LHPP: variants seen among roughly 807,000 people sequenced by gnomAD.
LHPP encodes the protein hLHPP.
LHPP carries 24 observed loss-of-function variants against 30.3 expected under a neutral mutation model. The ratio of observed to expected loss-of-function variants is 0.79; its 90% CI spans 0.57 to 1.11. The LOEUF is 1.11. LHPP is among the 50% of genes most tolerant of loss of function. The probability of loss-of-function intolerance (pLI) is 0.00; values close to 1 mark genes in which losing one functional copy is unlikely to be tolerated. For synonymous variants in LHPP, 150 were observed against 157.1 expected (o/e 0.95, Z 0.34); for missense variants, 356 against 367.2 (o/e 0.97, Z 0.25).
intron 6 of LHPP, among the ~76,000 whole-genome samples, chr10:124,558,882 G>A (rs1470886970): frequency 6.6e-6 from 1 of 152,214 alleles, no homozygotes; most frequent in East Asian, 1.9e-4. Context: ...GCACTCTTTG[G>A]GAGGATATTT....
At chr10:124,559,870 G>A (rs761392652) in intron 6 of LHPP, among the ~76,000 whole-genome samples, 5 of 152,252 alleles carry the variant, frequency 3.3e-5, no homozygotes, top group Non-Finnish European at 5.9e-5. Flanking sequence ...AGTAAGTTCC[G>A]TGGAATCAGG....
At position 124,539,766 on chromosome 10, in the gene LHPP, G is replaced by T. The variant is rs1955136585; in HGVS notation, c.716+22495G>T. On this transcript the variant is annotated intron_variant, in intron 6 of 6. Transcript: ENST00000368842. ...AAAAAAAAAAAATTAGTCAGGCATGGTGGCACACACCTGTAGTCCCAGCTA... is the reference window on the plus strand; with the variant it reads ...AAAAAAAAAAAATTAGTCAGGCATGTTGGCACACACCTGTAGTCCCAGCTA... Among the ~76,000 whole-genome samples the T allele has an allele frequency of 2.8e-5, 4 of 143,534 alleles. No homozygotes were observed. The South Asian group carries it at 8.8e-4, about 31-fold the overall frequency. 94.2% of individuals were successfully genotyped at this position (143,534 alleles called of 152,430 possible).
chr10:124,590,943 G>C lies in LHPP; in HGVS notation c.717-22321G>C, dbSNP rs781736488. On this transcript the variant is annotated intron_variant, in intron 6 of 6. Coordinates refer to ENST00000368842, the MANE Select transcript of LHPP (RefSeq NM_022126.4). This position sits in a 1 kb window ranked among gnomAD's most constrained non-coding sequence, Gnocchi z 4.3. Reference sequence around the variant, plus strand: ...TCCAGGAAACAGGATCCCTGTCTCAGACAGAAGCAGTCTCGCCCATCCTGG... The same window carrying C: ...TCCAGGAAACAGGATCCCTGTCTCACACAGAAGCAGTCTCGCCCATCCTGG... 2.0e-5 allele frequency among the ~76,000 whole-genome samples: 3 copies of C among 152,226 alleles called. No homozygotes were observed. The highest frequency in any genetic ancestry group is 4.4e-5 in the Non-Finnish European group (3 of 68,050).
intron 6 of LHPP, among the ~76,000 whole-genome samples, chr10:124,545,290 G>A (rs564195617): frequency 6.6e-5 from 10 of 152,172 alleles, no homozygotes; most frequent in African/African-American, 2.2e-4. Flanking sequence ...AGTATTGTGC[G>A]AACCTCCCAG....
intron 6 of LHPP, among the ~76,000 whole-genome samples, chr10:124,588,721 T>C (rs1948838212): frequency 6.6e-6 from 1 of 152,188 alleles, no homozygotes; most frequent in South Asian, 2.1e-4. Flanking sequence ...CTCCTCAGAA[T>C]CTGAGGTGAC....
intron 6 of LHPP, among the ~76,000 whole-genome samples, chr10:124,589,550 CG>C (rs1294351224): frequency 1.3e-5 from 2 of 152,156 alleles, no homozygotes; most frequent in African/African-American, 4.8e-5. Flanking sequence ...CAGAATGAGC[CG>C]GGAGGAGCAG....
At chr10:124,525,870 C>T (rs1440585807) in intron 6 of LHPP, among the ~76,000 whole-genome samples, 3 of 152,178 alleles carry the variant, frequency 2.0e-5, no homozygotes, top group Non-Finnish European at 2.9e-5. Context: ...AACCTGAACC[C>T]CCCTGCTGGG....
At chr10:124,481,716 C>T (rs987989416) in intron 1 of LHPP, among the ~76,000 whole-genome samples, 2 of 152,120 alleles carry the variant, frequency 1.3e-5, no homozygotes, top group African/African-American at 4.8e-5. Flanking sequence ...ACTCCAGCCT[C>T]ATTTCCTGGC....
At chr10:124,468,561 C>T (rs1223589546) in intron 1 of LHPP, among the ~76,000 whole-genome samples, 1 of 152,158 alleles carries the variant, frequency 6.6e-6, no homozygotes, top group Non-Finnish European at 1.5e-5. Context: ...CATGTCCTGC[C>T]TTGTCCACGA....
intron 6 of LHPP, among the ~76,000 whole-genome samples, chr10:124,539,283 G>C (rs1280231443): frequency 6.6e-6 from 1 of 152,168 alleles, no homozygotes; most frequent in East Asian, 1.9e-4. Flanking sequence ...AGCACCCAAG[G>C]CCACGTCCTG....
chr10:124,530,508 A>G (rs1005287583), intron 6 of LHPP, among the ~76,000 whole-genome samples: 2 of 149,974 alleles, frequency 1.3e-5, no homozygotes, highest in African/African-American at 2.5e-5. Context: ...GCCCACTCTC[A>G]TGCTGGCCTC....
Position 124,488,450 on chromosome 10 carries a change from C to A in LHPP, c.342C>A (p.Asp114Glu), listed in dbSNP as rs1953407829. 6.2e-7 allele frequency: 1 copy of A among 1,614,088 alleles called. No individual in the cohort carries two copies. The highest frequency in any genetic ancestry group is 2.2e-5 in the East Asian group (1 of 44,868). Residue 114 changes from aspartate (D) to glutamate (E), a missense_variant, in exon 3 of 7, where the codon GAC becomes GAA. Transcript: ENST00000368842. ...DGVRSEFDQI[D>E]TSNPNCVVIA... ...TCCGCTCAGAATTTGATCAGATCGA[C>A]ACATCCAACCCAAACTGTGTGGTAA...
In LHPP at chr10:124,498,019, CCTCT is replaced by C. The variant is rs752946588; in HGVS notation, c.532-12_532-9del. 5 of 1,601,898 alleles carry C rather than the reference CCTCT, an allele frequency of 3.1e-6. No homozygotes were observed. In the African/African-American group the frequency reaches 6.7e-5, roughly 21 times the overall value. ...CTTGATCCCAAACTTATGCCATGTC[CCTCT>C]CTCTTTTCCCAGTATGCCTGTGGCA... On this transcript the variant is annotated splice_polypyrimidine_tract_variant and intron_variant, in intron 4 of 6. Coordinates refer to ENST00000368842, the MANE Select transcript of LHPP (RefSeq NM_022126.4).
chr10:124,507,037 GGGGGGTAGGGAGGATTT>G (rs1564797383), intron 5 of LHPP, among the ~76,000 whole-genome samples: 5 of 21,074 alleles, frequency 2.4e-4, no homozygotes, highest in Admixed American at 4.5e-4. Flanking sequence ...TTTCAGGTGA[GGGGGGTAGGGAGGATTT>G]CAGGTGTAGG....
chr10:124,606,548 A>C (rs1949095411), intron 6 of LHPP, among the ~76,000 whole-genome samples: 1 of 152,232 alleles, frequency 6.6e-6, no homozygotes. Context: ...GGGAAACGCC[A>C]ACTTCGTGTG....
intron 6 of LHPP, among the ~76,000 whole-genome samples, chr10:124,563,134 G>T (rs1042035557): frequency 6.6e-6 from 1 of 152,080 alleles, no homozygotes; most frequent in South Asian, 2.1e-4. Flanking sequence ...AGTTATCAGA[G>T]AAATGAAAAA....
rs1481679618 is a variant in LHPP, at chr10:124,510,058, A to C, written c.625-7122A>C. Among the ~76,000 whole-genome samples the C allele has an allele frequency of 6.6e-6, 1 of 151,784 alleles. No individual in the cohort carries two copies. Among genetic ancestry groups the C allele is most frequent in the Non-Finnish European group, 1.5e-5 (1 of 67,964 alleles). On this transcript the variant is annotated intron_variant, in intron 5 of 6. Coordinates refer to ENST00000368842, the MANE Select transcript of LHPP (RefSeq NM_022126.4). The surrounding 1 kb of genome is among the most constrained non-coding windows in gnomAD (Gnocchi z 4.0). ...CTGCCTCTGGGACTGTGGCGCCTCC[A>C]TCCGGCTCTCTGGATCCTGGGTTCT...
Position 124,510,289 on chromosome 10 carries a change from C to T in LHPP, c.625-6891C>T, listed in dbSNP as rs369531071. 1.1e-4 allele frequency among the ~76,000 whole-genome samples: 17 copies of T among 152,176 alleles called. No individual in the cohort carries two copies. The highest frequency in any genetic ancestry group is 2.2e-4 in the Non-Finnish European group (15 of 68,026). On this transcript the variant is annotated intron_variant, in intron 5 of 6. Coordinates refer to ENST00000368842, the MANE Select transcript of LHPP (RefSeq NM_022126.4). This position sits in a 1 kb window ranked among gnomAD's most constrained non-coding sequence, Gnocchi z 4.0. ...TCCTTGCGTGATTATTGCCCTTCACCGATAGTAAATCTGGGAATCCCCTGG... is the reference window on the plus strand; with the variant it reads ...TCCTTGCGTGATTATTGCCCTTCACTGATAGTAAATCTGGGAATCCCCTGG...
In LHPP at chr10:124,512,339, G is replaced by A. The variant is rs544308815; in HGVS notation, c.625-4841G>A. ...GTTTCCTTTGTAACATGTTTAGGCC[G>A]GGCGCGGTGGCTCACACCTGTAATT... On this transcript the variant is annotated intron_variant, in intron 5 of 6. Transcript: ENST00000368842. Among the ~76,000 whole-genome samples the A allele has an allele frequency of 5.8e-4, 88 of 152,240 alleles. 1 individual carries two copies. In the Middle Eastern group the frequency reaches 0.02, roughly 35 times the overall value.
Sources: allele counts gnomAD v4.1 joint callset (sites outside exome capture counted in the v4.1 genomes callset), GRCh38; gene constraint gnomAD v4.1.1; non-coding constraint Gnocchi (gnomAD v3.1); transcripts MANE v1.5; gene names NCBI Gene and HGNC (gene_info 2026-07-23, HGNC 2026-07-21).